NCKAP5: variants seen among roughly 807,000 people sequenced by gnomAD.
The protein encoded by NCKAP5 is NCK associated protein 5, also known as nck-associated protein 5.
In NCKAP5, 92 loss-of-function variants were observed where a neutral mutation model predicts 167.0. The observed-to-expected ratio is 0.55, with a 90% CI of 0.47 to 0.66. The LOEUF is 0.66. Ranked by LOEUF, NCKAP5 falls within the 30% of genes least tolerant of loss-of-function variation. NCKAP5 has a pLI of 0.00. For synonymous variants in NCKAP5, 891 were observed against 877.4 expected (o/e 1.02, Z -0.27); for missense variants, 2,378 against 2,315.0 (o/e 1.03, Z -0.56).
intron 19 of NCKAP5, among the ~76,000 whole-genome samples, chr2:132,704,116 G>A (rs1427571662): frequency 8.5e-5 from 13 of 152,140 alleles, no homozygotes; most frequent in Admixed American, 7.9e-4. Context: ...TTTTCTGAAG[G>A]TGTCTTTCAC....
At position 132,790,197 on chromosome 2, in the gene NCKAP5, T is replaced by C. The variant is rs1245554819; in HGVS notation, c.918A>G (p.Gln306=). The C allele has an allele frequency of 1.2e-6, 2 of 1,611,744 alleles. No homozygotes were observed. Among genetic ancestry groups the C allele is most frequent in the Admixed American group, 1.7e-5 (1 of 59,684 alleles). ...SRTDAEVHEH[Q]LNTKSALKCP... is the part of the protein sequence containing the mutation. ...ATTTCAAGGCCGATTTTGTATTTAGTTGGTGTTCCTGAAAAAGCAGGACAG... is the reference window on the plus strand; with the variant it reads ...ATTTCAAGGCCGATTTTGTATTTAGCTGGTGTTCCTGAAAAAGCAGGACAG... Residue 306 remains glutamine, a synonymous_variant, in exon 13 of 20, where the codon CAA becomes CAG. Transcript: ENST00000409261.
intron 8 of NCKAP5, among the ~76,000 whole-genome samples, chr2:132,879,184 G>A (rs1282344135): frequency 6.6e-6 from 1 of 152,168 alleles, no homozygotes; most frequent in Non-Finnish European, 1.5e-5. Flanking sequence ...GGTTTGATGT[G>A]AGAGTGTTCC....
chr2:133,279,542 T>C (rs894870703), intron 4 of NCKAP5, among the ~76,000 whole-genome samples: 1 of 152,246 alleles, frequency 6.6e-6, no homozygotes, highest in African/African-American at 2.4e-5. Context: ...TACTTTTTTT[T>C]CACAGTTGTT....
intron 5 of NCKAP5, among the ~76,000 whole-genome samples, chr2:133,212,333 C>T (rs2086244309): frequency 6.6e-6 from 1 of 152,122 alleles, no homozygotes; most frequent in South Asian, 2.1e-4. Flanking sequence ...TTTATTTTCT[C>T]CCTCTTGTTT....
At position 133,248,489 on chromosome 2, in the gene NCKAP5, T is replaced by C. The variant is rs1168782077; in HGVS notation, c.144-34710A>G. On this transcript the variant is annotated intron_variant, in intron 4 of 19. Coordinates refer to ENST00000409261, the MANE Select transcript of NCKAP5 (RefSeq NM_207363.3). ...ACTAAACAGGGCAGGGAATATAACA[T>C]GTGAGAGGATTTCAGAGGAGGGCCT... is the stretch of plus-strand genomic sequence containing the variant. Among the ~76,000 whole-genome samples, 5 of 152,182 alleles carry C rather than the reference T, an allele frequency of 3.3e-5. 1 individual carries two copies. The highest frequency in any genetic ancestry group is 7.4e-5 in the Non-Finnish European group (5 of 68,024).
intron 5 of NCKAP5, among the ~76,000 whole-genome samples, chr2:133,145,947 T>C (rs969993141): frequency 2.0e-5 from 3 of 152,130 alleles, no homozygotes. Flanking sequence ...AAGACTTTAT[T>C]AAATTAGACA....
At chr2:132,795,837 AAC>A (rs1251686807) in intron 12 of NCKAP5, among the ~76,000 whole-genome samples, 25 of 144,616 alleles carry the variant, frequency 1.7e-4, no homozygotes, top group South Asian at 4.4e-4. Context: ...AAAAAAAAAA[AAC>A]AAAAAAAACA....
rs370869616 is a variant in NCKAP5 at position 133,565,284 on chromosome 2, C to G, written c.-130+2932G>C. Among the ~76,000 whole-genome samples the G allele has an allele frequency of 8.5e-5, 13 of 152,150 alleles. No homozygotes were observed. In the East Asian group the frequency reaches 1.7e-3, roughly 20 times the overall value. On this transcript the variant is annotated intron_variant, in intron 1 of 19. Coordinates refer to ENST00000409261, the MANE Select transcript of NCKAP5 (RefSeq NM_207363.3). ...GAATCCCACCTTAGAGGTCATGATT[C>G]AGTAAGTCTGGGGTGGGACGTGGGC...
rs1681252059 is a variant in NCKAP5, at chr2:133,311,801, T to C, written c.70-8691A>G. Among the ~76,000 whole-genome samples the C allele has an allele frequency of 2.6e-5, 4 of 152,190 alleles. No individual in the cohort carries two copies. The South Asian group carries it at 8.3e-4, about 31-fold the overall frequency. On this transcript the variant is annotated intron_variant, in intron 3 of 19. Transcript: ENST00000409261. Reference sequence around the variant, plus strand: ...CAAAAGGTTATCCTAGTACCCTATCTACAAGGGTTTTAGGAGTTCTGTGCC... The same window carrying C: ...CAAAAGGTTATCCTAGTACCCTATCCACAAGGGTTTTAGGAGTTCTGTGCC...
At chr2:133,158,725 A>T (rs1391813434) in intron 5 of NCKAP5, among the ~76,000 whole-genome samples, 1 of 152,156 alleles carries the variant, frequency 6.6e-6, no homozygotes, top group Admixed American at 6.5e-5. Context: ...TTCAATTAAC[A>T]AAACAATCTT....
intron 6 of NCKAP5, among the ~76,000 whole-genome samples, chr2:133,110,125 T>C (rs2081858525): frequency 6.6e-6 from 1 of 152,220 alleles, no homozygotes; most frequent in African/African-American, 2.4e-5. Flanking sequence ...GCCAGTCTAA[T>C]ACATGCTTAA....
chr2:133,103,596 C>T (rs1315965590), intron 6 of NCKAP5, among the ~76,000 whole-genome samples: 1 of 152,152 alleles, frequency 6.6e-6, no homozygotes, highest in Non-Finnish European at 1.5e-5. Flanking sequence ...GAGATCCAAA[C>T]CAGCCTGGTG....
At chr2:133,562,396 A>G (rs1049426766) in intron 1 of NCKAP5, among the ~76,000 whole-genome samples, 3 of 152,196 alleles carry the variant, frequency 2.0e-5, no homozygotes, top group South Asian at 4.1e-4. Flanking sequence ...AGTTGCTACA[A>G]AACCAGTTAG....
chr2:132,720,180 TG>T (rs2069850794), intron 19 of NCKAP5, among the ~76,000 whole-genome samples: 1 of 152,180 alleles, frequency 6.6e-6, no homozygotes, highest in African/African-American at 2.4e-5. Flanking sequence ...AGGACTTGCC[TG>T]CTGGAAAAGG....
intron 3 of NCKAP5, among the ~76,000 whole-genome samples, chr2:133,376,709 G>T (rs527679885): frequency 6.4e-4 from 97 of 152,264 alleles, no homozygotes; most frequent in Non-Finnish European, 9.4e-4. Flanking sequence ...GAGAGCATTT[G>T]GGCCCTATGT....
chr2:133,095,723 C>T (rs1453989562), intron 6 of NCKAP5, among the ~76,000 whole-genome samples: 1 of 152,174 alleles, frequency 6.6e-6, no homozygotes, highest in Non-Finnish European at 1.5e-5. Flanking sequence ...TCTCTATGTG[C>T]TCAATAGAGA....
intron 6 of NCKAP5, among the ~76,000 whole-genome samples, chr2:133,112,726 T>C (rs2081956181): frequency 6.6e-6 from 1 of 152,232 alleles, no homozygotes; most frequent in African/African-American, 2.4e-5. Context: ...CAAGCCTTTA[T>C]GTAGACAGAT....
intron 3 of NCKAP5, among the ~76,000 whole-genome samples, chr2:133,488,408 C>T (rs575393708): frequency 6.6e-6 from 1 of 152,274 alleles, no homozygotes; most frequent in South Asian, 2.1e-4. Flanking sequence ...GAAAAATCAG[C>T]CTTAAATCCC....
chr2:133,058,629 T>G (rs577983411), intron 6 of NCKAP5, among the ~76,000 whole-genome samples: 1 of 152,334 alleles, frequency 6.6e-6, no homozygotes, highest in African/African-American at 2.4e-5. Flanking sequence ...GATAAGTTAC[T>G]TCTTATGGAT....
Sources: gnomAD v4.1 joint callset for allele counts (sites outside exome capture counted in the v4.1 genomes callset) on GRCh38, gnomAD v4.1.1 for gene constraint, MANE v1.5 for transcripts, NCBI Gene and HGNC (gene_info 2026-07-23, HGNC 2026-07-21) for gene names.